Variants in PDLIM5 observed in about 807,000 individuals in gnomAD.
PDLIM5 encodes the protein PDZ and LIM domain protein 5.
In PDLIM5, 34 loss-of-function variants were observed where a neutral mutation model predicts 64.2. The observed-to-expected ratio is 0.53, with a 90% CI of 0.40 to 0.71. The LOEUF (loss-of-function observed/expected upper bound fraction) is 0.71. Ranked by LOEUF, PDLIM5 falls within the 30% of genes least tolerant of loss-of-function variation. The pLI is 0.00. For synonymous variants in PDLIM5, 253 were observed against 269.1 expected, an observed-to-expected ratio of 0.94 and a Z score of 0.59; for missense variants, 683 against 733.6, an observed-to-expected ratio of 0.93 and a Z score of 0.80.
intron 3 of PDLIM5, among the ~76,000 whole-genome samples, chr4:94,529,187 T>G (rs1339098832): frequency 6.6e-6 from 1 of 152,094 alleles, no homozygotes; most frequent in Non-Finnish European, 1.5e-5. Flanking sequence ...AGAGCAGCGT[T>G]TTGGAGAGAA....
intron 2 of PDLIM5, among the ~76,000 whole-genome samples, chr4:94,483,960 C>G (rs187418137): frequency 2.6e-5 from 4 of 152,136 alleles, no homozygotes; most frequent in Admixed American, 2.6e-4. Flanking sequence ...TCTTTTTATT[C>G]CCTCCACTTA....
At chr4:94,487,871 A>G (rs537569249) in intron 2 of PDLIM5, among the ~76,000 whole-genome samples, 41 of 152,328 alleles carry the variant, frequency 2.7e-4, no homozygotes, top group Admixed American at 1.5e-3. Flanking sequence ...AGTTACCTGC[A>G]TATCTTAGTA....
At chr4:94,483,189 C>T (rs1726023460) in intron 2 of PDLIM5, among the ~76,000 whole-genome samples, 1 of 151,908 alleles carries the variant, frequency 6.6e-6, no homozygotes, top group African/African-American at 2.4e-5. Flanking sequence ...GAAAAAGTAG[C>T]CCCTCAAAAT....
intron 9 of PDLIM5, among the ~76,000 whole-genome samples, chr4:94,645,647 C>G (rs73834231): frequency 0.045 from 6,791 of 152,188 alleles, 282 homozygotes; most frequent in East Asian, 0.15. Context: ...TACATATAGC[C>G]AGTGTGCTTT....
chr4:94,564,883 C>A (rs577126698), intron 3 of PDLIM5, among the ~76,000 whole-genome samples: 1 of 151,834 alleles, frequency 6.6e-6, no homozygotes, highest in South Asian at 2.1e-4. Flanking sequence ...GTCTTGATCT[C>A]CTGACCTCGT....
chr4:94,607,224 C>G (rs2110364930), intron 7 of PDLIM5, among the ~76,000 whole-genome samples: 1 of 151,996 alleles, frequency 6.6e-6, no homozygotes, highest in Admixed American at 6.5e-5. Flanking sequence ...ATTTGAAAAT[C>G]AGTGTAACAT....
chr4:94,518,573 A>C (rs770590661), intron 2 of PDLIM5, among the ~76,000 whole-genome samples: 3 of 152,242 alleles, frequency 2.0e-5, no homozygotes, highest in Non-Finnish European at 2.9e-5. Flanking sequence ...GAGAACAATA[A>C]ATTAATGACA....
intron 2 of PDLIM5, among the ~76,000 whole-genome samples, chr4:94,522,438 C>T (rs898607604): frequency 3.3e-5 from 5 of 152,120 alleles, no homozygotes; most frequent in South Asian, 2.1e-4. Context: ...TGCAGTTGCA[C>T]GATCTCAGCT....
intron 2 of PDLIM5, among the ~76,000 whole-genome samples, chr4:94,483,751 G>A (rs945298168): frequency 1.3e-5 from 2 of 151,954 alleles, no homozygotes; most frequent in Non-Finnish European, 2.9e-5. Flanking sequence ...TATGTCATTT[G>A]CTTACTACTT....
chr4:94,500,288 C>T (rs916651799), intron 2 of PDLIM5, among the ~76,000 whole-genome samples: 3 of 152,132 alleles, frequency 2.0e-5, no homozygotes, highest in Admixed American at 6.5e-5. Flanking sequence ...GCAAAAGCAA[C>T]CCCTTTCAGA....
intron 8 of PDLIM5, among the ~76,000 whole-genome samples, chr4:94,635,714 G>A (rs747051760): frequency 5.3e-5 from 8 of 152,128 alleles, no homozygotes; most frequent in Non-Finnish European, 1.0e-4. Context: ...CCTGTTACAC[G>A]TCCCTCTTCC....
At chr4:94,602,931 A>G (rs767965879) in intron 7 of PDLIM5, among the ~76,000 whole-genome samples, 6 of 152,232 alleles carry the variant, frequency 3.9e-5, no homozygotes, top group Non-Finnish European at 8.8e-5. Flanking sequence ...ATATTAAGCG[A>G]TGAAAAAATA....
chr4:94,651,430 T>C (rs1247469667), intron 9 of PDLIM5, among the ~76,000 whole-genome samples: 1 of 152,236 alleles, frequency 6.6e-6, no homozygotes, highest in Non-Finnish European at 1.5e-5. Context: ...GACTGTAGTT[T>C]TAATTTATGT....
At chr4:94,565,244 G>A (rs1734212075) in intron 3 of PDLIM5, among the ~76,000 whole-genome samples, 2 of 152,054 alleles carry the variant, frequency 1.3e-5, no homozygotes, top group Admixed American at 1.3e-4. Flanking sequence ...ATAATATAAG[G>A]GTGTTTGTTT....
At chr4:94,572,081 C>T (rs951476478) in intron 3 of PDLIM5, among the ~76,000 whole-genome samples, 3 of 152,112 alleles carry the variant, frequency 2.0e-5, no homozygotes, top group Non-Finnish European at 2.9e-5. Flanking sequence ...AGATTATACT[C>T]ATAGAGACCG....
chr4:94,587,027 C>G (rs776280176), intron 7 of PDLIM5: 15 of 1,587,534 alleles, frequency 9.4e-6, no homozygotes, highest in Non-Finnish European at 1.2e-5. Context: ...CCCAAATACA[C>G]AAAATTACGT....
chr4:94,623,597 G>A (rs1310216198), intron 8 of PDLIM5, among the ~76,000 whole-genome samples: 1 of 151,556 alleles, frequency 6.6e-6, no homozygotes, highest in East Asian at 2.0e-4. Flanking sequence ...TTGAGGACAG[G>A]GACCAAGTCA....
intron 1 of PDLIM5, among the ~76,000 whole-genome samples, 171 bp from the exon 2 acceptor site, chr4:94,455,076 A>C (rs1723209271): frequency 6.6e-6 from 1 of 152,234 alleles, no homozygotes; most frequent in Non-Finnish European, 1.5e-5. Flanking sequence ...ATGAGTGTAG[A>C]AAATTTATAT....
At chr4:94,573,085 A>T (rs1486992520) in intron 3 of PDLIM5, among the ~76,000 whole-genome samples, 1 of 152,184 alleles carries the variant, frequency 6.6e-6, no homozygotes, top group Non-Finnish European at 1.5e-5. Context: ...AACAGGATTG[A>T]TGTTTGTCAT....
Sources: gnomAD v4.1 joint callset for allele counts (sites outside exome capture counted in the v4.1 genomes callset) on GRCh38, gnomAD v4.1.1 for gene constraint, MANE v1.5 for transcripts, NCBI Gene and HGNC (gene_info 2026-07-23, HGNC 2026-07-21) for gene names.